Variants in PDE9A observed in about 807,000 individuals in gnomAD.
The protein encoded by PDE9A is high affinity cGMP-specific 3',5'-cyclic phosphodiesterase 9A.
A neutral mutation model predicts 87.4 loss-of-function variants in PDE9A; 60 were observed. That is an observed-to-expected ratio of 0.69 (90% CI 0.56 to 0.85). PDE9A has a LOEUF of 0.85. Among genes scored for constraint, PDE9A ranks in the 40% least tolerant of loss-of-function variants. The pLI is 0.00. For missense variants in PDE9A, 665 were observed against 779.0 expected, an observed-to-expected ratio of 0.85 and a Z score of 1.74; for synonymous variants, 272 against 279.4, an observed-to-expected ratio of 0.97 and a Z score of 0.27.
chr21:42,769,615 GGTACACAT>G (rs1431493282), intron 17 of PDE9A, among the ~76,000 whole-genome samples: 13 of 41,282 alleles, frequency 3.1e-4, no homozygotes, highest in African/African-American at 1.3e-3. Context: ...TGCACATGCA[GGTACACAT>G]GCACACACAG....
chr21:42,766,571 G>A (rs977129517), intron 15 of PDE9A, among the ~76,000 whole-genome samples: 3 of 152,156 alleles, frequency 2.0e-5, no homozygotes, highest in Non-Finnish European at 4.4e-5. Flanking sequence ...AGGACTCATC[G>A]CTCTCTGGAG....
At chr21:42,768,917 G>A (rs1279813285) in intron 16 of PDE9A, 110 bp from the exon 17 acceptor site, 1 of 1,507,430 alleles carries the variant, frequency 6.6e-7, no homozygotes, top group Non-Finnish European at 8.9e-7. Flanking sequence ...TTTGTGGTGT[G>A]GTTTGGTTGG....
intron 17 of PDE9A, 85 bp from the exon 18 acceptor site, chr21:42,770,618 G>T: frequency 9.7e-7 from 1 of 1,034,628 alleles, no homozygotes. Flanking sequence ...GTTTCCGCAC[G>T]GAGCACCTGA....
intron 1 of PDE9A, among the ~76,000 whole-genome samples, chr21:42,674,316 CT>C (rs34238765): frequency 0.02 from 2,690 of 134,528 alleles, 80 homozygotes; most frequent in African/African-American, 0.064. Context: ...TTTAGACATT[CT>C]TTTTTTTTTT....
chr21:42,740,704 G>GA (rs1250691790), intron 7 of PDE9A, among the ~76,000 whole-genome samples: 60 of 133,438 alleles, frequency 4.5e-4, no homozygotes, highest in African/African-American at 1.4e-3. Flanking sequence ...TAGGTAGGTA[G>GA]TAGATAGATA....
At chr21:42,753,512 G>A (rs887255729) in intron 9 of PDE9A, among the ~76,000 whole-genome samples, 2 of 152,158 alleles carry the variant, frequency 1.3e-5, no homozygotes, top group African/African-American at 4.8e-5. Context: ...TCCACCCGTA[G>A]CATTGGCCCT....
At position 42,760,767 on chromosome 21, in the gene PDE9A, C is replaced by A; in HGVS notation, c.1003-58C>A. ...ACTCACCCAATTCCACCCCCCCTCACCCCATCCCACCCTCCGAGTGAAGAG... is the reference window on the plus strand; with the variant it reads ...ACTCACCCAATTCCACCCCCCCTCAACCCATCCCACCCTCCGAGTGAAGAG... On this transcript the variant is annotated intron_variant, in intron 12 of 19. Coordinates refer to ENST00000291539, the MANE Select transcript of PDE9A (RefSeq NM_002606.3). This position sits in a 1 kb window ranked among gnomAD's most constrained non-coding sequence, Gnocchi z 5.2. 1 of 948,950 alleles carries A rather than the reference C, an allele frequency of 1.1e-6. No individual in the cohort carries two copies. The highest frequency in any genetic ancestry group is 1.7e-5 in the Admixed American group (1 of 58,556). The allele number at this position is 948,950 out of a possible 1,614,324, so 58.8% of individuals were successfully genotyped here.
rs2048601509 is a variant in PDE9A at position 42,704,032 on chromosome 21, G to A, written c.262+5021G>A. Among the ~76,000 whole-genome samples, 2 of 152,164 alleles carry A rather than the reference G, an allele frequency of 1.3e-5. No individual in the cohort carries two copies. Among genetic ancestry groups the A allele is most frequent in the African/African-American group, 4.8e-5 (2 of 41,420 alleles). ...GCTGTGATCTCGAGAAGGTGGTCAG[G>A]GCCCAGGCTCCCGCCAGCCCTCACG... is the stretch of plus-strand genomic sequence containing the variant. On this transcript the variant is annotated intron_variant, in intron 4 of 19. Coordinates refer to ENST00000291539, the MANE Select transcript of PDE9A (RefSeq NM_002606.3). This position sits in a 1 kb window ranked among gnomAD's most constrained non-coding sequence, Gnocchi z 5.3.
At chr21:42,703,933 A>T (rs938927307) in intron 4 of PDE9A, among the ~76,000 whole-genome samples, 6 of 152,258 alleles carry the variant, frequency 3.9e-5, no homozygotes, top group African/African-American at 1.4e-4. Context: ...AAAAAGCAGG[A>T]AACAGTGCTG....
intron 15 of PDE9A, among the ~76,000 whole-genome samples, chr21:42,766,254 G>A (rs572774992): frequency 6.6e-6 from 1 of 152,102 alleles, no homozygotes; most frequent in Non-Finnish European, 1.5e-5. Flanking sequence ...CTGGAGCCCA[G>A]GTCCAGGCTG....
rs1015255624 is a variant in PDE9A, at chr21:42,705,993, G to T, written c.262+6982G>T. ...TTCCATAGAAGGACAATAAAAGGGG[G>T]CCATAAGGAGGCGCATCCGCAGAGT... On this transcript the variant is annotated intron_variant, in intron 4 of 19. Coordinates refer to ENST00000291539, the MANE Select transcript of PDE9A (RefSeq NM_002606.3). This position sits in a 1 kb window ranked among gnomAD's most constrained non-coding sequence, Gnocchi z 4.3. 2.2e-4 allele frequency among the ~76,000 whole-genome samples: 33 copies of T among 152,230 alleles called. No individual in the cohort carries two copies. Among genetic ancestry groups the T allele is most frequent in the African/African-American group, 7.7e-4 (32 of 41,470 alleles).
In PDE9A at chr21:42,733,356, A is replaced by G. The variant is rs1332875505; in HGVS notation, c.498A>G (p.Arg166=). ...VLAQVAEQFS[R]AFKINELKAE... ...TCTCTCTTTTCTTTTTCATTCCTAGAGCATTCAAAATCAATGAACTGAAAG... is the reference window on the plus strand; with the variant it reads ...TCTCTCTTTTCTTTTTCATTCCTAGGGCATTCAAAATCAATGAACTGAAAG... Residue 166 remains arginine, a splice_region_variant and synonymous_variant, in exon 7 of 20, where the codon AGA becomes AGG. Transcript: ENST00000291539. 5 of 1,570,696 alleles carry G rather than the reference A, an allele frequency of 3.2e-6. No individual in the cohort carries two copies. Among genetic ancestry groups the G allele is most frequent in the East Asian group, 2.2e-5 (1 of 44,674 alleles).
intron 4 of PDE9A, among the ~76,000 whole-genome samples, chr21:42,707,060 T>C (rs914842104): frequency 1.3e-5 from 2 of 152,228 alleles, no homozygotes; most frequent in African/African-American, 4.8e-5. Context: ...TTGGGCTGTT[T>C]CCACAAAGGC....
intron 10 of PDE9A, 121 bp downstream of exon 10, chr21:42,754,185 T>TTAA: frequency 3.9e-6 from 2 of 517,938 alleles, no homozygotes; most frequent in Non-Finnish European, 6.7e-6. Context: ...TTTTAAAGAC[T>TTAA]GAAAAAAAAA....
intron 7 of PDE9A, among the ~76,000 whole-genome samples, chr21:42,737,949 T>C (rs1419809268): frequency 6.6e-6 from 1 of 152,272 alleles, no homozygotes; most frequent in Non-Finnish European, 1.5e-5. Flanking sequence ...CCTTTTGATA[T>C]ACAAAGTTTA....
At position 42,696,123 on chromosome 21, in the gene PDE9A, G is replaced by T. The variant is rs2060128349; in HGVS notation, c.219-2845G>T. Among the ~76,000 whole-genome samples the T allele has an allele frequency of 6.6e-6, 1 of 152,226 alleles. No individual in the cohort carries two copies. Among genetic ancestry groups the T allele is most frequent in the Admixed American group, 6.5e-5 (1 of 15,288 alleles). ...AATTGGTTGAATGGGCTTGAAGGGG[G>T]CTGGACTCCATTTGGGTGGATGAGC... is the stretch of plus-strand genomic sequence containing the variant. On this transcript the variant is annotated intron_variant, in intron 3 of 19. Coordinates refer to ENST00000291539, the MANE Select transcript of PDE9A (RefSeq NM_002606.3). The surrounding 1 kb of genome is among the most constrained non-coding windows in gnomAD (Gnocchi z 5.1).
chr21:42,688,460 A>C (rs996012805), intron 3 of PDE9A, among the ~76,000 whole-genome samples: 2 of 152,222 alleles, frequency 1.3e-5, no homozygotes, highest in African/African-American at 2.4e-5. Flanking sequence ...AGGGAGGCCC[A>C]GGAAGTCAAG....
At chr21:42,716,896 G>A (rs1352640326) in intron 4 of PDE9A, among the ~76,000 whole-genome samples, 1 of 150,814 alleles carries the variant, frequency 6.6e-6, no homozygotes, top group Non-Finnish European at 1.5e-5. Flanking sequence ...GATTACAGAT[G>A]TGTGCCGCCA....
intron 4 of PDE9A, among the ~76,000 whole-genome samples, chr21:42,710,182 C>T (rs139206774): frequency 0.061 from 9,322 of 151,736 alleles, 853 homozygotes; most frequent in African/African-American, 0.2. Context: ...CCGAGGCGGG[C>T]GGATCACTTG....
Sources: gnomAD v4.1 joint callset for allele counts (sites outside exome capture counted in the v4.1 genomes callset) on GRCh38, gnomAD v4.1.1 for gene constraint, Gnocchi (gnomAD v3.1) non-coding constraint, MANE v1.5 for transcripts, NCBI Gene and HGNC (gene_info 2026-07-23, HGNC 2026-07-21) for gene names.